Variants in NRG3 observed in about 807,000 individuals in gnomAD.
NRG3 encodes pro-neuregulin-3, membrane-bound isoform.
In NRG3, 31 loss-of-function variants were observed where a neutral mutation model predicts 66.9. The ratio of observed to expected loss-of-function variants is 0.46; its 90% confidence interval spans 0.35 to 0.63. The LOEUF is 0.63. NRG3 is among the 20% of genes least tolerant of loss of function. NRG3 has a pLI of 0.00. For missense variants in NRG3, 910 were observed against 878.9 expected (o/e 1.04, Z -0.45); for synonymous variants, 393 against 359.4 (o/e 1.09, Z -1.06).
chr10:82,129,836 C>T (rs986576894), intron 1 of NRG3, among the ~76,000 whole-genome samples: 2 of 152,178 alleles, frequency 1.3e-5, no homozygotes, highest in Admixed American at 1.3e-4. Flanking sequence ...GCTGGGATTA[C>T]AGGTGTGAGA....
At chr10:82,624,940 T>C (rs2049313441) in intron 2 of NRG3, among the ~76,000 whole-genome samples, 1 of 147,776 alleles carries the variant, frequency 6.8e-6, no homozygotes, top group Admixed American at 6.8e-5. Flanking sequence ...ATATATAAAA[T>C]GTGCTTTTAG....
At chr10:82,752,742 C>A (rs917457669) in intron 3 of NRG3, among the ~76,000 whole-genome samples, 1 of 152,164 alleles carries the variant, frequency 6.6e-6, no homozygotes, top group East Asian at 1.9e-4. Flanking sequence ...TAAAGAGGCT[C>A]AAGAGCTGCC....
chr10:82,582,623 C>T (rs1156925043), intron 2 of NRG3, among the ~76,000 whole-genome samples: 7 of 149,468 alleles, frequency 4.7e-5, no homozygotes, highest in African/African-American at 1.2e-4. Flanking sequence ...GGACAAGGAC[C>T]AAAAAAGAAT....
At chr10:82,497,717 ATTTCTTCCAGATGGTGATTTCAT>A (rs1564992480) in intron 2 of NRG3, among the ~76,000 whole-genome samples, 1 of 152,034 alleles carries the variant, frequency 6.6e-6, no homozygotes, top group East Asian at 1.9e-4. Context: ...GGGTACAGCA[ATTTCTTCCAGATGGTGATTTCAT>A]TTTCTTTGGA....
chr10:82,089,680 A>G (rs1409030300), intron 1 of NRG3, among the ~76,000 whole-genome samples: 1 of 152,198 alleles, frequency 6.6e-6, no homozygotes, highest in East Asian at 1.9e-4. Context: ...TGTTTTTAGT[A>G]TCTAATTCTC....
chr10:82,177,090 G>A (rs1446264137), intron 1 of NRG3, among the ~76,000 whole-genome samples: 1 of 151,834 alleles, frequency 6.6e-6, no homozygotes, highest in Non-Finnish European at 1.5e-5. Flanking sequence ...GTTGTGAAGA[G>A]GATTAAATAA....
intron 1 of NRG3, among the ~76,000 whole-genome samples, chr10:82,138,004 T>C (rs1230137011): frequency 6.6e-6 from 1 of 152,200 alleles, no homozygotes; most frequent in Non-Finnish European, 1.5e-5. Flanking sequence ...CATAAAGAAG[T>C]TAAACAAAGA....
In NRG3 at chr10:81,909,704, C is replaced by T. The variant is rs142233428; in HGVS notation, c.823+33541C>T. Reference sequence around the variant, plus strand: ...GAAAGCAGTTGTATCCTCATGACACCGAGGCAGATGTTTCCGTCTTTAGGA... The same window carrying T: ...GAAAGCAGTTGTATCCTCATGACACTGAGGCAGATGTTTCCGTCTTTAGGA... On this transcript the variant is annotated intron_variant, in intron 1 of 8. Transcript: ENST00000372141. Among the ~76,000 whole-genome samples the T allele has an allele frequency of 3.6e-3, 551 of 152,154 alleles. 2 individuals carry two copies. Among genetic ancestry groups the T allele is most frequent in the Non-Finnish European group, 5.9e-3 (402 of 68,010 alleles).
At chr10:82,096,510 A>G (rs913613382) in intron 1 of NRG3, among the ~76,000 whole-genome samples, 5 of 151,918 alleles carry the variant, frequency 3.3e-5, no homozygotes, top group Non-Finnish European at 7.4e-5. Context: ...AACAACCACA[A>G]AAAAAACATG....
intron 2 of NRG3, among the ~76,000 whole-genome samples, chr10:82,471,486 T>C (rs911722463): frequency 6.6e-6 from 1 of 152,210 alleles, no homozygotes; most frequent in South Asian, 2.1e-4. Flanking sequence ...CTGGCCCAGT[T>C]TAAATGACAT....
At chr10:82,975,473 T>C (rs1196230810) in intron 7 of NRG3, among the ~76,000 whole-genome samples, 1 of 152,172 alleles carries the variant, frequency 6.6e-6, no homozygotes, top group Non-Finnish European at 1.5e-5. Context: ...TCCTATGGTG[T>C]CTAGGAGTCA....
chr10:82,486,990 T>C (rs568439093), intron 2 of NRG3, among the ~76,000 whole-genome samples: 2 of 151,562 alleles, frequency 1.3e-5, no homozygotes, highest in Non-Finnish European at 2.9e-5. Context: ...TGTAAACCAT[T>C]GTGCTTATAG....
At chr10:82,007,424 G>C (rs983850439) in intron 1 of NRG3, among the ~76,000 whole-genome samples, 4 of 151,804 alleles carry the variant, frequency 2.6e-5, no homozygotes, top group African/African-American at 9.7e-5. Context: ...TGGCCAGATG[G>C]TTTCGATCTC....
At chr10:82,114,497 T>G (rs1351776568) in intron 1 of NRG3, among the ~76,000 whole-genome samples, 1 of 152,124 alleles carries the variant, frequency 6.6e-6, no homozygotes, top group Admixed American at 6.6e-5. Context: ...GCTGTGCCTG[T>G]AAGAAAAGAG....
At chr10:82,622,522 C>T (rs760557130) in intron 2 of NRG3, among the ~76,000 whole-genome samples, 5 of 152,166 alleles carry the variant, frequency 3.3e-5, no homozygotes, top group Non-Finnish European at 4.4e-5. Context: ...TAACTTATGA[C>T]GGTTTGACTT....
chr10:82,377,973 G>A (rs1355180650), intron 2 of NRG3, among the ~76,000 whole-genome samples: 3 of 152,196 alleles, frequency 2.0e-5, no homozygotes, highest in South Asian at 2.1e-4. Context: ...TTTACTAGGC[G>A]TTTGGGCTAG....
At chr10:82,596,012 T>C (rs2047252604) in intron 2 of NRG3, among the ~76,000 whole-genome samples, 1 of 152,182 alleles carries the variant, frequency 6.6e-6, no homozygotes, top group Admixed American at 6.6e-5. Context: ...AATGAAATAT[T>C]TAATAAATAA....
At chr10:81,899,206 T>A (rs185672615) in intron 1 of NRG3, among the ~76,000 whole-genome samples, 14 of 152,298 alleles carry the variant, frequency 9.2e-5, no homozygotes, top group Admixed American at 2.6e-4. Flanking sequence ...AAGAATTAAA[T>A]GAGATAACCA....
intron 1 of NRG3, among the ~76,000 whole-genome samples, chr10:82,158,604 G>A (rs946757069): frequency 3.3e-5 from 5 of 151,926 alleles, no homozygotes; most frequent in Non-Finnish European, 5.9e-5. Flanking sequence ...GGTTTAATAA[G>A]GCTATAGCTG....
Sources: gnomAD v4.1 joint callset for allele counts (sites outside exome capture counted in the v4.1 genomes callset) on GRCh38, gnomAD v4.1.1 for gene constraint, MANE v1.5 for transcripts, NCBI Gene and HGNC (gene_info 2026-07-23, HGNC 2026-07-21) for gene names.